Variants in DPP10 observed in about 807,000 individuals in gnomAD.
DPP10 encodes dipeptidyl peptidase like 10, also known as inactive dipeptidyl peptidase 10.
In DPP10, 33 loss-of-function variants were observed where a neutral mutation model predicts 120.9. That is an observed-to-expected ratio of 0.27 (90% confidence interval 0.21 to 0.37). DPP10 has a LOEUF of 0.37. DPP10 is among the 10% of genes least tolerant of loss of function. DPP10 has a pLI of 1.00. For missense variants in DPP10, 816 were observed against 942.8 expected (o/e 0.87, Z 1.76); for synonymous variants, 337 against 326.1 (o/e 1.03, Z -0.36).
intron 5 of DPP10, among the ~76,000 whole-genome samples, chr2:115,571,991 G>A (rs546795897): frequency 6.6e-6 from 1 of 151,962 alleles, no homozygotes; most frequent in South Asian, 2.1e-4. Flanking sequence ...TAAATACAAA[G>A]TATTTTACCC....
chr2:114,532,251 A>C (rs1686052452), intron 1 of DPP10, among the ~76,000 whole-genome samples: 1 of 102,654 alleles, frequency 9.7e-6, no homozygotes. Flanking sequence ...CCCATAATAA[A>C]TCTCCATATA....
At chr2:115,106,782 G>A (rs1182863697) in intron 1 of DPP10, among the ~76,000 whole-genome samples, 1 of 152,012 alleles carries the variant, frequency 6.6e-6, no homozygotes, top group Non-Finnish European at 1.5e-5. Context: ...CTCTTAAAAC[G>A]TTCTTAAACC....
At chr2:114,831,647 T>C (rs1687132540) in intron 1 of DPP10, among the ~76,000 whole-genome samples, 1 of 152,140 alleles carries the variant, frequency 6.6e-6, no homozygotes, top group African/African-American at 2.4e-5. Flanking sequence ...ACAGATATTC[T>C]GCACGTAGTT....
Position 114,621,958 on chromosome 2 carries a change from G to A in DPP10, c.60+179120G>A, listed in dbSNP as rs535302401. Among the ~76,000 whole-genome samples the A allele has an allele frequency of 9.3e-4, 141 of 151,922 alleles. 1 individual carries two copies. Among genetic ancestry groups the A allele is most frequent in the African/African-American group, 3.3e-3 (135 of 41,482 alleles). On this transcript the variant is annotated intron_variant, in intron 1 of 25. Transcript: ENST00000410059. ...CTGCTGTGGCAGGGCACAAAGAAAT[G>A]ACCTCAGCCCATAAGGAGCTTAAAA...
At chr2:115,461,883 T>G (rs2074007329) in intron 3 of DPP10, among the ~76,000 whole-genome samples, 1 of 152,146 alleles carries the variant, frequency 6.6e-6, no homozygotes, top group Non-Finnish European at 1.5e-5. Flanking sequence ...TTGCTCTTTC[T>G]CTCTGTTTCT....
intron 1 of DPP10, among the ~76,000 whole-genome samples, chr2:114,942,392 C>T (rs74963018): frequency 3.3e-4 from 9 of 27,158 alleles, no homozygotes; most frequent in African/African-American, 1.1e-3. Context: ...TATATATATA[C>T]ACACACACAC....
intron 5 of DPP10, among the ~76,000 whole-genome samples, chr2:115,639,627 G>GT (rs60317856): frequency 6.8e-4 from 102 of 149,930 alleles, no homozygotes; most frequent in African/African-American, 2.0e-3. Flanking sequence ...TGCATTACAG[G>GT]TTTTTTTTTT....
chr2:114,636,744 C>A (rs1695331846), intron 1 of DPP10, among the ~76,000 whole-genome samples: 1 of 151,824 alleles, frequency 6.6e-6, no homozygotes, highest in African/African-American at 2.4e-5. Context: ...GTACTATGAG[C>A]CTTTGTAGGA....
chr2:115,586,789 A>G (rs1279884080), intron 5 of DPP10, among the ~76,000 whole-genome samples: 2 of 152,166 alleles, frequency 1.3e-5, no homozygotes, highest in Non-Finnish European at 2.9e-5. Context: ...GTAGCATTAT[A>G]TTCTTACTTG....
At position 115,468,517 on chromosome 2, in the gene DPP10, A is replaced by G. The variant is rs139311078; in HGVS notation, c.272-30993A>G. 9.2e-4 allele frequency: 400 copies of G among 435,508 alleles called. 2 individuals are homozygous for G. The highest frequency in any genetic ancestry group is 7.1e-3 in the African/African-American group (353 of 49,696). The allele number at this position is 435,508 out of a possible 1,614,324, so 27.0% of individuals were successfully genotyped here. A position where few individuals can be genotyped will look rare whatever the true frequency, so the allele number is the denominator to read the frequency against. On this transcript the variant is annotated intron_variant, in intron 3 of 25. Coordinates refer to ENST00000410059, the MANE Select transcript of DPP10 (RefSeq NM_020868.6). ...TGTTACACAGATTCTCCTCTGTGCT[A>G]TGTGGACATTGCCATCCCACTCAAC...
At chr2:115,331,265 C>T (rs1276724267) in intron 2 of DPP10, among the ~76,000 whole-genome samples, 1 of 152,068 alleles carries the variant, frequency 6.6e-6, no homozygotes, top group Non-Finnish European at 1.5e-5. Flanking sequence ...TTTTTGCACA[C>T]TGATTTTATA....
chr2:115,558,016 A>G (rs890843826), intron 5 of DPP10, among the ~76,000 whole-genome samples: 1 of 152,208 alleles, frequency 6.6e-6, no homozygotes, highest in Admixed American at 6.5e-5. Flanking sequence ...AAGTCAGGTA[A>G]CGATGTATAT....
At chr2:114,492,894 C>T (rs531977576) in intron 1 of DPP10, among the ~76,000 whole-genome samples, 40 of 152,230 alleles carry the variant, frequency 2.6e-4, no homozygotes, top group Non-Finnish European at 4.6e-4. Context: ...TGTCCAGATG[C>T]CATGCTAAGC....
intron 1 of DPP10, among the ~76,000 whole-genome samples, chr2:115,244,950 AAGTGTTC>A (rs2058466342): frequency 1.3e-5 from 2 of 151,716 alleles, no homozygotes; most frequent in East Asian, 3.9e-4. Context: ...GTCACCCAAG[AAGTGTTC>A]AGTGTACCCA....
intron 5 of DPP10, among the ~76,000 whole-genome samples, chr2:115,591,238 A>G (rs887966542): frequency 2.0e-5 from 3 of 152,176 alleles, no homozygotes; most frequent in African/African-American, 2.4e-5. Context: ...GCCTATGCCT[A>G]TGTCCTGAAT....
chr2:114,763,084 A>G (rs1680417184), intron 1 of DPP10, among the ~76,000 whole-genome samples: 1 of 152,198 alleles, frequency 6.6e-6, no homozygotes, highest in African/African-American at 2.4e-5. Context: ...TCCAGGTTAA[A>G]AAAAGATCAG....
chr2:114,970,153 C>T (rs17043845), intron 1 of DPP10, among the ~76,000 whole-genome samples: 1 of 151,782 alleles, frequency 6.6e-6, no homozygotes, highest in South Asian at 2.1e-4. Flanking sequence ...TAGCCTGGAG[C>T]ATGCACAAGT....
chr2:115,192,883 ATTTAT>A (rs2054984692), intron 1 of DPP10, among the ~76,000 whole-genome samples: 4 of 151,542 alleles, frequency 2.6e-5, no homozygotes, highest in South Asian at 4.1e-4. Context: ...ATAAATTTTA[ATTTAT>A]TTTAATTAAT....
At chr2:115,608,634 G>T (rs1280738313) in intron 5 of DPP10, among the ~76,000 whole-genome samples, 1 of 152,102 alleles carries the variant, frequency 6.6e-6, no homozygotes, top group Non-Finnish European at 1.5e-5. Flanking sequence ...GTGATAAGAA[G>T]TTCCAACAAG....
Sources: gnomAD v4.1 joint callset for allele counts (sites outside exome capture counted in the v4.1 genomes callset) on GRCh38, gnomAD v4.1.1 for gene constraint, MANE v1.5 for transcripts, NCBI Gene and HGNC (gene_info 2026-07-23, HGNC 2026-07-21) for gene names.